The following KLRG1 variants were observed in gnomAD, a reference collection of about 807,000 sequenced individuals.
KLRG1 encodes killer cell lectin like receptor G1, also known as killer cell lectin-like receptor subfamily G member 1.
KLRG1 carries 16 observed loss-of-function variants against 21.8 expected under a neutral mutation model. That is an observed-to-expected ratio of 0.73 (90% CI 0.50 to 1.11). The LOEUF (loss-of-function observed/expected upper bound fraction) is 1.11, where lower values mean the gene tolerates loss of function less well. KLRG1 is among the 50% of genes most tolerant of loss of function. The pLI, the probability that KLRG1 is intolerant of heterozygous loss-of-function variation, is 0.00. For synonymous variants in KLRG1, 69 were observed against 75.9 expected, an observed-to-expected ratio of 0.91 and a Z score of 0.47; for missense variants, 173 against 218.3, an observed-to-expected ratio of 0.79 and a Z score of 1.31.
At chr12:9,204,072 T>G in the KLRG1 span, 4 of 1,019,964 alleles carry the variant, frequency 3.9e-6, no homozygotes, top group Non-Finnish European at 5.7e-6. Context: ...TAAAAGTCAA[T>G]GGACTAAGTC....
the KLRG1 span, among the ~76,000 whole-genome samples, chr12:9,124,774 A>G: frequency 2.0e-5 from 3 of 152,200 alleles, no homozygotes; most frequent in Admixed American, 6.5e-5. Flanking sequence ...CCCAGGGGCC[A>G]TGAATGGCAG....
the KLRG1 span, chr12:9,159,944 T>G: frequency 6.2e-7 from 1 of 1,610,590 alleles, no homozygotes; most frequent in South Asian, 1.1e-5. Context: ...TTACCAAGTG[T>G]TGCCCTGGTT....
the KLRG1 span, among the ~76,000 whole-genome samples, chr12:9,201,951 AT>A: frequency 6.6e-6 from 1 of 152,134 alleles, no homozygotes; most frequent in Admixed American, 6.5e-5. Flanking sequence ...AATATGGTCT[AT>A]TGTATATACC....
chr12:9,106,677 G>A, the KLRG1 span: 5 of 753,492 alleles, frequency 6.6e-6, no homozygotes, highest in East Asian at 5.6e-5. Context: ...TCAGATAACC[G>A]GTGTGATTTT....
At chr12:9,179,415 A>C in the KLRG1 span, among the ~76,000 whole-genome samples, 2 of 152,244 alleles carry the variant, frequency 1.3e-5, no homozygotes, top group African/African-American at 4.8e-5. Context: ...TAATAAAATA[A>C]ATAAATCATC....
the KLRG1 span, among the ~76,000 whole-genome samples, chr12:9,123,218 T>A: frequency 6.6e-6 from 1 of 152,190 alleles, no homozygotes; most frequent in Non-Finnish European, 1.5e-5. Context: ...AGTGGACACC[T>A]GAAACCACAG....
At chr12:9,211,733 G>T in the KLRG1 span, among the ~76,000 whole-genome samples, 1 of 152,172 alleles carries the variant, frequency 6.6e-6, no homozygotes, top group Non-Finnish European at 1.5e-5. Flanking sequence ...CATCTTTATA[G>T]ACTGGTTTTA....
At chr12:9,079,257 G>T in the KLRG1 span, 1 of 1,613,510 alleles carries the variant, frequency 6.2e-7, no homozygotes, top group Non-Finnish European at 8.5e-7. Flanking sequence ...GTGTTGCCCT[G>T]GTTCCTGCCA....
the KLRG1 span, chr12:9,112,585 C>G: frequency 1.9e-6 from 3 of 1,605,410 alleles, no homozygotes; most frequent in Admixed American, 3.4e-5. Flanking sequence ...CCGCAGGTCT[C>G]CTCCCCTATT....
the KLRG1 span, chr12:9,169,400 C>A: frequency 2.0e-6 from 3 of 1,531,664 alleles, no homozygotes; most frequent in South Asian, 1.2e-5. Flanking sequence ...ACTCACAAGC[C>A]AGCATGTTAA....
the KLRG1 span, among the ~76,000 whole-genome samples, chr12:9,056,141 T>A: frequency 6.6e-6 from 1 of 152,168 alleles, no homozygotes; most frequent in South Asian, 2.1e-4. Flanking sequence ...ATTTGCTTCA[T>A]CTGAAACACA....
the KLRG1 span, chr12:9,162,549 C>A: frequency 1.5e-6 from 2 of 1,330,188 alleles, no homozygotes; most frequent in African/African-American, 1.5e-5. Flanking sequence ...GAGGTTTATA[C>A]CCCTTTGTGG....
chr12:9,049,256 C>G, the KLRG1 span, among the ~76,000 whole-genome samples: 1 of 152,076 alleles, frequency 6.6e-6, no homozygotes, highest in African/African-American at 2.4e-5. Flanking sequence ...TTCCTATCCT[C>G]TGGGCCCACA....
chr12:9,125,629 A>AT, the KLRG1 span, among the ~76,000 whole-genome samples: 1 of 152,218 alleles, frequency 6.6e-6, no homozygotes, highest in Non-Finnish European at 1.5e-5. Flanking sequence ...CTTCAATGGC[A>AT]TTTTTAACGT....
chr12:8,989,108 T>C (rs2137318908), upstream of KLRG1, among the ~76,000 whole-genome samples: 1 of 152,340 alleles, frequency 6.6e-6, no homozygotes, highest in Middle Eastern at 3.4e-3. Flanking sequence ...TCATGTCATA[T>C]TCACAAAATA....
chr12:9,035,268 TA>T, the KLRG1 span, among the ~76,000 whole-genome samples: 2 of 152,038 alleles, frequency 1.3e-5, no homozygotes, highest in East Asian at 3.9e-4. Flanking sequence ...TATACAGCCA[TA>T]AAAAAGGATG....
At chr12:9,005,613 A>C (rs1260467575) in intron 3 of KLRG1, among the ~76,000 whole-genome samples, 4 of 152,178 alleles carry the variant, frequency 2.6e-5, no homozygotes, top group African/African-American at 9.7e-5. Context: ...AGTTATGTTA[A>C]AGGATACAAA....
intron 1 of KLRG1, among the ~76,000 whole-genome samples, chr12:8,990,568 G>A (rs926645794): frequency 1.3e-5 from 2 of 151,992 alleles, no homozygotes; most frequent in African/African-American, 4.8e-5. Context: ...AAATTATATA[G>A]CATTGGATAT....
At chr12:9,075,877 T>C in the KLRG1 span, among the ~76,000 whole-genome samples, 2 of 152,238 alleles carry the variant, frequency 1.3e-5, no homozygotes, top group Non-Finnish European at 2.9e-5. Context: ...GAGAGAGTTG[T>C]ACAGTGTTTT....
Sources: gnomAD v4.1 joint callset for allele counts (sites outside exome capture counted in the v4.1 genomes callset) on GRCh38, gnomAD v4.1.1 for gene constraint, MANE v1.5 for transcripts, NCBI Gene and HGNC (gene_info 2026-07-23, HGNC 2026-07-21) for gene names.